The following EPB41L4A variants were observed in gnomAD, a reference collection of about 807,000 sequenced individuals.
EPB41L4A encodes erythrocyte membrane protein band 4.1 like 4A, also known as band 4.1-like protein 4A.
A neutral mutation model predicts 108.6 loss-of-function variants in EPB41L4A; 100 were observed. The ratio of observed to expected loss-of-function variants is 0.92; its 90% CI spans 0.78 to 1.09. EPB41L4A has a LOEUF of 1.09. Ranked by LOEUF, EPB41L4A falls within the 50% of genes least tolerant of loss-of-function variation. EPB41L4A has a pLI of 0.00. For synonymous variants in EPB41L4A, 319 were observed against 289.0 expected (o/e 1.10, Z -1.05); for missense variants, 1,030 against 842.7 (o/e 1.22, Z -2.75).
Position 112,394,985 on chromosome 5 carries a change from G to C in EPB41L4A, c.99+23956C>G, listed in dbSNP as rs552244972. 6.6e-5 allele frequency among the ~76,000 whole-genome samples: 10 copies of C among 151,866 alleles called. No individual in the cohort carries two copies. In the East Asian group the frequency reaches 1.5e-3, roughly 23 times the overall value. On this transcript the variant is annotated intron_variant, in intron 1 of 22. Coordinates refer to ENST00000261486, the MANE Select transcript of EPB41L4A (RefSeq NM_022140.5). ...TCTTTGACAAACCTGACAAAAACAA[G>C]AAATGGGGAAAGGATTCCCTATTTA...
intron 1 of EPB41L4A, among the ~76,000 whole-genome samples, chr5:112,322,958 G>A (rs999249748): frequency 7.8e-6 from 1 of 127,962 alleles, no homozygotes; most frequent in Non-Finnish European, 1.7e-5. Flanking sequence ...AGGTAATGGG[G>A]ACTTTCAAGA....
intron 1 of EPB41L4A, among the ~76,000 whole-genome samples, chr5:112,384,368 C>T (rs1469789936): frequency 6.6e-6 from 1 of 152,078 alleles, no homozygotes; most frequent in Non-Finnish European, 1.5e-5. Context: ...GATTTAACTA[C>T]ATTAAAATTA....
Position 112,361,244 on chromosome 5 carries a change from T to C in EPB41L4A, c.100-53754A>G, listed in dbSNP as rs552125759. Among the ~76,000 whole-genome samples the C allele has an allele frequency of 2.6e-4, 39 of 152,340 alleles. 1 individual carries two copies. The South Asian group carries it at 7.9e-3, about 31-fold the overall frequency. On this transcript the variant is annotated intron_variant, in intron 1 of 22. Coordinates refer to ENST00000261486, the MANE Select transcript of EPB41L4A (RefSeq NM_022140.5). ...CCCCAACCCCGTGCTCTCTGAAACA[T>C]GTGCTGTGTCCACTAAGGGTTAAAT... is the stretch of plus-strand genomic sequence containing the variant.
At position 112,256,386 on chromosome 5, in the gene EPB41L4A, C is replaced by T. The variant is rs75733377; in HGVS notation, c.795+2843G>A. 5.7e-3 allele frequency among the ~76,000 whole-genome samples: 874 copies of T among 152,116 alleles called. 2 individuals carry two copies. Among genetic ancestry groups the T allele is most frequent in the Middle Eastern group, 0.01 (3 of 294 alleles). ...TAATACTACAAATGTGAAATTTACA[C>T]AGTAGGATTGAAGGAATAAATTATT... On this transcript the variant is annotated intron_variant, in intron 9 of 22. Transcript: ENST00000261486.
intron 16 of EPB41L4A, among the ~76,000 whole-genome samples, chr5:112,195,403 A>C (rs1419762138): frequency 6.6e-6 from 1 of 151,970 alleles, no homozygotes; most frequent in Non-Finnish European, 1.5e-5. Context: ...TGCTGCTTTA[A>C]GCCACTGAGT....
At chr5:112,326,627 C>T (rs1427845496) in intron 1 of EPB41L4A, among the ~76,000 whole-genome samples, 5 of 152,178 alleles carry the variant, frequency 3.3e-5, no homozygotes, top group African/African-American at 1.2e-4. Flanking sequence ...ATTTCATTTA[C>T]CATTGCTTAC....
chr5:112,325,953 A>G (rs1756128885), intron 1 of EPB41L4A, among the ~76,000 whole-genome samples: 1 of 152,144 alleles, frequency 6.6e-6, no homozygotes, highest in African/African-American at 2.4e-5. Flanking sequence ...GGAGTTTGAG[A>G]CCAGCTAGGG....
chr5:112,210,528 C>T (rs769989836), intron 12 of EPB41L4A, among the ~76,000 whole-genome samples: 4 of 152,176 alleles, frequency 2.6e-5, no homozygotes, highest in Admixed American at 6.5e-5. Context: ...TTCATGCAAA[C>T]ATTCCTAAAA....
downstream of EPB41L4A, chr5:112,161,480 G>C (rs1365792982): frequency 1.9e-6 from 1 of 518,762 alleles, no homozygotes; most frequent in Non-Finnish European, 3.8e-6. Context: ...ACCTCACGCA[G>C]TGTCAGCCTT....
intron 12 of EPB41L4A, among the ~76,000 whole-genome samples, chr5:112,212,278 A>C (rs1580443916): frequency 6.7e-6 from 1 of 148,586 alleles, no homozygotes; most frequent in African/African-American, 2.5e-5. Context: ...GGTGTGCCCT[A>C]CCATTAGTTG....
intron 1 of EPB41L4A, among the ~76,000 whole-genome samples, chr5:112,364,761 G>A (rs1183508562): frequency 6.6e-6 from 1 of 152,132 alleles, no homozygotes; most frequent in Non-Finnish European, 1.5e-5. Flanking sequence ...CTGCAAATAA[G>A]TTTACAGCAC....
At chr5:112,396,258 T>A (rs1043925566) in intron 1 of EPB41L4A, among the ~76,000 whole-genome samples, 2 of 151,924 alleles carry the variant, frequency 1.3e-5, no homozygotes, top group Admixed American at 6.6e-5. Flanking sequence ...TTAAAAAAAA[T>A]TAAAAAAAAG....
At chr5:112,353,511 G>T (rs1352646446) in intron 1 of EPB41L4A, among the ~76,000 whole-genome samples, 1 of 152,076 alleles carries the variant, frequency 6.6e-6, no homozygotes. Flanking sequence ...TCCCCAGGCA[G>T]CACAGGTAGG....
chr5:112,262,201 A>G (rs1266370357), intron 7 of EPB41L4A, among the ~76,000 whole-genome samples: 1 of 152,116 alleles, frequency 6.6e-6, no homozygotes, highest in African/African-American at 2.4e-5. Context: ...TGGCCTATAC[A>G]TCAATTTTAT....
intron 12 of EPB41L4A, among the ~76,000 whole-genome samples, chr5:112,223,608 A>G (rs2150341778): frequency 6.6e-6 from 1 of 152,330 alleles, no homozygotes; most frequent in South Asian, 2.1e-4. Flanking sequence ...TGCCCAATGC[A>G]TTAGTAAAAT....
chr5:112,339,477 T>G (rs1484241441), intron 1 of EPB41L4A, among the ~76,000 whole-genome samples: 17 of 11,098 alleles, frequency 1.5e-3, no homozygotes, highest in African/African-American at 3.9e-3. Context: ...TATATATCTA[T>G]ATATATATAT....
At chr5:112,414,693 C>T (rs17134502) in intron 1 of EPB41L4A, among the ~76,000 whole-genome samples, 9,688 of 152,172 alleles carry the variant, frequency 0.064, 1,074 homozygotes, top group African/African-American at 0.22. Flanking sequence ...ATGCTTTCCC[C>T]CTTAAACAGT....
chr5:112,181,032 A>G (rs939021255), intron 18 of EPB41L4A, among the ~76,000 whole-genome samples: 1 of 152,258 alleles, frequency 6.6e-6, no homozygotes, highest in Non-Finnish European at 1.5e-5. Context: ...AGAATGGCGA[A>G]AATTAACGCA....
chr5:112,395,517 G>A (rs1242857564), intron 1 of EPB41L4A, among the ~76,000 whole-genome samples: 9 of 152,226 alleles, frequency 5.9e-5, no homozygotes, highest in South Asian at 4.1e-4. Flanking sequence ...ACTGGTCATC[G>A]GAGAAATGCA....
Sources: gnomAD v4.1 joint callset for allele counts (sites outside exome capture counted in the v4.1 genomes callset) on GRCh38, gnomAD v4.1.1 for gene constraint, MANE v1.5 for transcripts, NCBI Gene and HGNC (gene_info 2026-07-23, HGNC 2026-07-21) for gene names.